The following MEG3 variants were observed in gnomAD, a reference collection of about 807,000 sequenced individuals.
The protein encoded by MEG3 is Very putative protein from MEG3 locus.
At chr14:100,855,820 G>A (rs1219319394), upstream of MEG3, 1 of 152,244 alleles carries the variant, frequency 6.6e-6, no homozygotes, top group African/African-American at 2.4e-5. Context: ...CCCTGAGTCA[G>A]GTCAGGCTTG....
chr14:100,836,100 T>A (rs978157090), intron 1 of MEG3: 4 of 406,004 alleles, frequency 9.9e-6, no homozygotes, highest in African/African-American at 8.4e-5. Flanking sequence ...CGAGTCTTTC[T>A]TCGGTGTGTT....
At chr14:100,857,981 G>C (rs560964477) in exon 1 of MEG3, 2 of 152,174 alleles carry the variant, frequency 1.3e-5, no homozygotes, top group African/African-American at 4.8e-5. Flanking sequence ...CACCTTCCCT[G>C]GGCCTGGCAC....
At chr14:100,852,115 G>T in intron 3 of MEG3, 1 of 334,872 alleles carries the variant, frequency 3.0e-6, no homozygotes, top group Non-Finnish European at 5.9e-6. Flanking sequence ...AGGCCATCTG[G>T]AGTGGGAGGC....
chr14:100,837,709 G>C lies in MEG3; in HGVS notation n.3045+1409G>C, dbSNP rs2037630670. ...TGTCTCTGGTTTCCGACGCAGCCTC[G>C]TAATGCTCTTTAATCAAACAGAGGA... On this transcript the variant is annotated intron_variant and non_coding_transcript_variant, in intron 2 of 3. Transcript: ENST00000398461. This position sits in a 1 kb window ranked among gnomAD's most constrained non-coding sequence, Gnocchi z 5.8. 1.3e-5 allele frequency among the ~76,000 whole-genome samples: 2 copies of C among 149,600 alleles called. No individual in the cohort carries two copies. Among genetic ancestry groups the C allele is most frequent in the Admixed American group, 1.3e-4 (2 of 14,982 alleles).
exon 1 of MEG3, chr14:100,835,336 C>A (rs2037537292): frequency 6.5e-6 from 1 of 154,650 alleles, no homozygotes; most frequent in African/African-American, 2.4e-5. Context: ...CCTTCCCTTG[C>A]CGTGATGCCT....
At chr14:100,842,176 C>T (rs974830693) in intron 2 of MEG3, among the ~76,000 whole-genome samples, 4 of 152,148 alleles carry the variant, frequency 2.6e-5, no homozygotes, top group Non-Finnish European at 4.4e-5. Flanking sequence ...ACAATACCTG[C>T]GAGCTGAAAT....
downstream of MEG3, chr14:100,833,685 G>A (rs1027518025): frequency 6.6e-6 from 1 of 152,154 alleles, no homozygotes; most frequent in African/African-American, 2.4e-5. Flanking sequence ...GAGCAGGTAT[G>A]TCCCGAGTCT....
chr14:100,827,233 G>T (rs1437312981), intron 1 of MEG3, among the ~76,000 whole-genome samples: 1 of 152,114 alleles, frequency 6.6e-6, no homozygotes, highest in African/African-American at 2.4e-5. Context: ...CCCTGGGCCG[G>T]CGGGCCTGGT....
At chr14:100,851,059 C>T (rs1263928012) in intron 3 of MEG3, 2 of 152,402 alleles carry the variant, frequency 1.3e-5, no homozygotes, top group Non-Finnish European at 2.9e-5. Context: ...GTGCTGTTGC[C>T]CTATCTTGGC....
chr14:100,848,343 A>C (rs752591731), intron 3 of MEG3: 2 of 152,252 alleles, frequency 1.3e-5, no homozygotes, highest in African/African-American at 2.4e-5. Flanking sequence ...GAGAGGGCCC[A>C]TTAGTTGCAG....
chr14:100,835,732 C>T, exon 1 of MEG3: 1 of 174,384 alleles, frequency 5.7e-6, no homozygotes, highest in Non-Finnish European at 1.2e-5. Context: ...CTGCCTGTTT[C>T]CAGCAGGTTC....
chr14:100,847,074 G>A (rs1475180953), intron 3 of MEG3: 2 of 151,626 alleles, frequency 1.3e-5, no homozygotes, highest in Non-Finnish European at 2.9e-5. Flanking sequence ...ACTCTGTAAG[G>A]AGGACCATGT....
exon 2 of MEG3, chr14:100,836,220 C>T (rs747577781): frequency 5.5e-5 from 25 of 456,616 alleles, no homozygotes; most frequent in Admixed American, 2.6e-4. Context: ...ATGGAAGCTG[C>T]GGAAGAGGCC....
chr14:100,843,833 GTTTTTTTT>G (rs11307044), intron 2 of MEG3, among the ~76,000 whole-genome samples: 2 of 70,732 alleles, frequency 2.8e-5, no homozygotes, highest in South Asian at 5.9e-4. Flanking sequence ...CCCGGGACCT[GTTTTTTTT>G]TTTTTTTTTT....
intron 1 of MEG3, among the ~76,000 whole-genome samples, chr14:100,828,378 C>G (rs983764108): frequency 6.6e-6 from 1 of 151,758 alleles, no homozygotes; most frequent in East Asian, 2.0e-4. Context: ...CTCCCTCCAC[C>G]CTTTCTCATT....
exon 1 of MEG3, chr14:100,834,593 CCTCT>C (rs577293235): frequency 2.9e-4 from 123 of 429,030 alleles, no homozygotes; most frequent in Non-Finnish European, 3.8e-4. Flanking sequence ...TCCTCGTCTT[CCTCT>C]CTCTCAATAT....
downstream of MEG3, chr14:100,831,739 C>T (rs748553100): frequency 1.3e-5 from 2 of 152,228 alleles, no homozygotes; most frequent in Non-Finnish European, 2.9e-5. Flanking sequence ...GACTTCTGGA[C>T]CTGCTTCTTA....
intron 2 of MEG3, chr14:100,836,390 T>C (rs547687390): frequency 3.0e-5 from 13 of 435,434 alleles, no homozygotes; most frequent in East Asian, 1.4e-4. Context: ...AACATTTAAT[T>C]TGGGGAGGAG....
chr14:100,854,006 T>C (rs1408185265), upstream of MEG3: 1 of 152,202 alleles, frequency 6.6e-6, no homozygotes, highest in African/African-American at 2.4e-5. Context: ...GTTTGGCTGA[T>C]GGATAAGAGG....
Sources: gnomAD v4.1 joint callset for allele counts (sites outside exome capture counted in the v4.1 genomes callset) on GRCh38, gnomAD v4.1.1 for gene constraint, Gnocchi (gnomAD v3.1) non-coding constraint, MANE v1.5 for transcripts, NCBI Gene and HGNC (gene_info 2026-07-23, HGNC 2026-07-21) for gene names.